DRC9: variants seen among roughly 807,000 people sequenced by gnomAD.
DRC9 encodes dynein regulatory complex protein 9.
chr3:197,917,995 A>C, the DRC9 span, among the ~76,000 whole-genome samples: 2 of 151,852 alleles, frequency 1.3e-5, no homozygotes, highest in African/African-American at 4.8e-5. Context: ...TCAGCCTCCC[A>C]AAGTGCTGGG....
the DRC9 span, chr3:197,912,840 G>A: frequency 9.8e-7 from 1 of 1,018,486 alleles, no homozygotes; most frequent in Non-Finnish European, 1.5e-6. Context: ...GTCGGTAGCT[G>A]AGGCTCCCTT....
At chr3:197,931,921 G>A in the DRC9 span, among the ~76,000 whole-genome samples, 9 of 152,176 alleles carry the variant, frequency 5.9e-5, no homozygotes, top group African/African-American at 1.9e-4. Flanking sequence ...CACCGCGCCC[G>A]GCCGAATTCA....
the DRC9 span, among the ~76,000 whole-genome samples, chr3:197,934,288 G>A: frequency 6.7e-6 from 1 of 148,344 alleles, no homozygotes; most frequent in African/African-American, 2.5e-5. Context: ...AGGTTCAAGC[G>A]ATTCTCCTGT....
the DRC9 span, chr3:197,912,947 C>T: frequency 1.7e-6 from 1 of 580,536 alleles, no homozygotes; most frequent in East Asian, 2.9e-5. Flanking sequence ...GCGTGTGTCC[C>T]TAACGAGACG....
At chr3:197,932,389 C>A in the DRC9 span, 2 of 1,040,672 alleles carry the variant, frequency 1.9e-6, no homozygotes, top group South Asian at 2.8e-5. Context: ...AATCCCAGCA[C>A]TTTGGGAGGC....
the DRC9 span, among the ~76,000 whole-genome samples, chr3:197,895,262 CATT>C: frequency 6.6e-6 from 1 of 152,098 alleles, no homozygotes; most frequent in African/African-American, 2.4e-5. Flanking sequence ...ATTCTATTTA[CATT>C]ATTTTATTTA....
the DRC9 span, chr3:197,938,832 CAAGA>C: frequency 1.6e-6 from 2 of 1,236,126 alleles, no homozygotes; most frequent in Admixed American, 1.8e-5. Flanking sequence ...GACAATACAA[CAAGA>C]AAGAGGCCTT....
At chr3:197,911,462 C>T in the DRC9 span, among the ~76,000 whole-genome samples, 2 of 151,584 alleles carry the variant, frequency 1.3e-5, no homozygotes, top group Admixed American at 1.3e-4. Context: ...TTAGAAACAA[C>T]CTAAATATAA....
chr3:197,955,787 CAATA>C, the DRC9 span: 5 of 1,594,182 alleles, frequency 3.1e-6, no homozygotes, highest in Middle Eastern at 2.3e-4. Flanking sequence ...AACGAAAAAT[CAATA>C]AATAAATGTG....
the DRC9 span, chr3:197,953,779 A>T: frequency 1.7e-6 from 1 of 602,834 alleles, no homozygotes; most frequent in South Asian, 2.0e-5. Context: ...CTTGGTTATC[A>T]TGTGAAAGAT....
chr3:197,891,832 T>C, the DRC9 span, among the ~76,000 whole-genome samples: 2 of 152,206 alleles, frequency 1.3e-5, no homozygotes, highest in African/African-American at 4.8e-5. Flanking sequence ...ATAATATGGA[T>C]TGTTTTTTAA....
chr3:197,924,981 C>G, the DRC9 span, among the ~76,000 whole-genome samples: 16 of 152,228 alleles, frequency 1.1e-4, no homozygotes, highest in South Asian at 3.3e-3. Flanking sequence ...GAGGTTAGGT[C>G]CTAATGACCA....
the DRC9 span, among the ~76,000 whole-genome samples, chr3:197,890,164 G>T: frequency 6.6e-6 from 1 of 152,198 alleles, no homozygotes; most frequent in Non-Finnish European, 1.5e-5. Context: ...GGAGGCTGAG[G>T]TGGGCAGATC....
the DRC9 span, among the ~76,000 whole-genome samples, chr3:197,946,207 A>G: frequency 0.3 from 45,339 of 151,400 alleles, 10,089 homozygotes; most frequent in African/African-American, 0.64. Context: ...AGGCCGAGGC[A>G]GGCGGATCAC....
chr3:197,929,240 C>T, the DRC9 span, among the ~76,000 whole-genome samples: 10,449 of 152,302 alleles, frequency 0.069, 464 homozygotes, highest in African/African-American at 0.13. The surrounding 1 kb of genome is among the most constrained non-coding windows in gnomAD (Gnocchi z 4.6). Context: ...AGAATAACCA[C>T]TGACAATAAC....
chr3:197,941,013 GAACACT>G, the DRC9 span, among the ~76,000 whole-genome samples: 151,993 of 152,288 alleles, frequency 1, 75,850 homozygotes, highest in East Asian at 1. Flanking sequence ...GATTAATTTA[GAACACT>G]GTCATTCTTG....
At chr3:197,912,185 C>T in the DRC9 span, among the ~76,000 whole-genome samples, 2 of 151,840 alleles carry the variant, frequency 1.3e-5, no homozygotes, top group East Asian at 1.9e-4. Flanking sequence ...GGATTACAGG[C>T]GCACCACCAT....
At chr3:197,893,780 A>G in the DRC9 span, among the ~76,000 whole-genome samples, 1 of 151,900 alleles carries the variant, frequency 6.6e-6, no homozygotes, top group Non-Finnish European at 1.5e-5. Flanking sequence ...CCCGGGAGAC[A>G]GAGGTTGCGG....
At chr3:197,923,436 C>T in the DRC9 span, among the ~76,000 whole-genome samples, 1 of 152,176 alleles carries the variant, frequency 6.6e-6, no homozygotes, top group South Asian at 2.1e-4. Flanking sequence ...TATAAACTTA[C>T]AATATTCTCA....
Sources: allele counts gnomAD v4.1 joint callset (sites outside exome capture counted in the v4.1 genomes callset), GRCh38; gene constraint gnomAD v4.1.1; non-coding constraint Gnocchi (gnomAD v3.1); transcripts MANE v1.5; gene names NCBI Gene and HGNC (gene_info 2026-07-23, HGNC 2026-07-21).